Variants in FER observed in about 807,000 individuals in gnomAD.
FER encodes tyrosine-protein kinase Fer.
In FER, 63 loss-of-function variants were observed where a neutral mutation model predicts 111.0. That is an observed-to-expected ratio of 0.57 (90% CI 0.46 to 0.70). FER has a LOEUF of 0.70. FER is among the 30% of genes least tolerant of loss of function. The probability of loss-of-function intolerance (pLI) is 0.00; values close to 1 mark genes in which losing one functional copy is unlikely to be tolerated. For synonymous variants in FER, 327 were observed against 313.9 expected (o/e 1.04, Z -0.44); for missense variants, 914 against 954.0 (o/e 0.96, Z 0.55).
chr5:109,076,562 C>T (rs1352254271), intron 16 of FER, among the ~76,000 whole-genome samples: 1 of 152,036 alleles, frequency 6.6e-6, no homozygotes, highest in Non-Finnish European at 1.5e-5. Flanking sequence ...CTCAGCCTCT[C>T]AAGTAGTTGT....
chr5:108,975,151 A>C (rs546263251), intron 13 of FER, among the ~76,000 whole-genome samples: 8 of 152,292 alleles, frequency 5.3e-5, no homozygotes, highest in African/African-American at 1.9e-4. Flanking sequence ...CTAACACAGG[A>C]ACAGAAAACC....
chr5:109,051,872 C>G, intron 16 of FER: 1 of 1,560,040 alleles, frequency 6.4e-7, no homozygotes, highest in Non-Finnish European at 8.8e-7. Flanking sequence ...AGGAAGCAGT[C>G]CACCTGATGT....
chr5:109,068,003 A>G (rs1348668826), intron 16 of FER, among the ~76,000 whole-genome samples: 4 of 152,318 alleles, frequency 2.6e-5, no homozygotes, highest in South Asian at 4.1e-4. Flanking sequence ...TTTACTCTTT[A>G]TGAATAAGAA....
intron 13 of FER, among the ~76,000 whole-genome samples, chr5:108,990,648 G>C (rs79191986): frequency 0.011 from 1,602 of 151,702 alleles, 24 homozygotes; most frequent in African/African-American, 0.037. Context: ...CTATATTTGG[G>C]AGTTGAAAGA....
intron 3 of FER, among the ~76,000 whole-genome samples, chr5:108,828,023 C>A (rs1759654573): frequency 6.6e-6 from 1 of 151,756 alleles, no homozygotes; most frequent in Non-Finnish European, 1.5e-5. Context: ...CAAAGCTTTT[C>A]AAATTTTTGA....
chr5:108,937,256 G>C (rs1191634458), intron 10 of FER, among the ~76,000 whole-genome samples: 2 of 151,866 alleles, frequency 1.3e-5, no homozygotes, highest in Non-Finnish European at 2.9e-5. Flanking sequence ...TGGGCCTCTA[G>C]ATATCTGGCT....
intron 10 of FER, among the ~76,000 whole-genome samples, chr5:108,910,420 A>G (rs1034588752): frequency 4.6e-5 from 7 of 152,160 alleles, no homozygotes; most frequent in Non-Finnish European, 8.8e-5. Flanking sequence ...TCTTGACCAC[A>G]CTTAGCATAA....
intron 12 of FER, among the ~76,000 whole-genome samples, chr5:108,957,030 A>T (rs1013626861): frequency 1.3e-5 from 2 of 151,652 alleles, no homozygotes; most frequent in Non-Finnish European, 3.0e-5. Flanking sequence ...AATATTAAAT[A>T]GTTGATCAAT....
chr5:108,804,216 A>G (rs1756965382), intron 3 of FER, among the ~76,000 whole-genome samples: 1 of 152,164 alleles, frequency 6.6e-6, no homozygotes, highest in Non-Finnish European at 1.5e-5. Context: ...GTCGTTTATC[A>G]GTTTCAGGAG....
chr5:108,931,962 T>TTGTGTG (rs571366890), intron 10 of FER, among the ~76,000 whole-genome samples: 4 of 150,696 alleles, frequency 2.7e-5, no homozygotes, highest in East Asian at 1.9e-4. Flanking sequence ...ATCTTAAATT[T>TTGTGTG]TGTGTGTGTG....
intron 17 of FER, among the ~76,000 whole-genome samples, chr5:109,169,551 T>C (rs1305491293): frequency 6.6e-6 from 1 of 152,164 alleles, no homozygotes; most frequent in Non-Finnish European, 1.5e-5. Flanking sequence ...TAAAAGAATG[T>C]AAATGGGAGG....
intron 5 of FER, among the ~76,000 whole-genome samples, chr5:108,864,876 T>G (rs529879235): frequency 1.4e-3 from 218 of 152,152 alleles, no homozygotes; most frequent in African/African-American, 5.1e-3. Flanking sequence ...TTAAAGTAGT[T>G]TTTTCCAATT....
intron 10 of FER, among the ~76,000 whole-genome samples, chr5:108,943,837 C>T (rs1756603817): frequency 6.6e-6 from 1 of 151,838 alleles, no homozygotes; most frequent in Admixed American, 6.6e-5. Context: ...GGGCTCAAGC[C>T]ATCCTCTCAC....
chr5:108,797,636 G>T (rs1273258766), intron 2 of FER, among the ~76,000 whole-genome samples: 2 of 152,218 alleles, frequency 1.3e-5, no homozygotes, highest in African/African-American at 4.8e-5. Context: ...GATGATTCGA[G>T]ACTGTGTTTT....
At chr5:108,951,063 C>CT (rs1757670137) in intron 11 of FER, among the ~76,000 whole-genome samples, 2 of 151,824 alleles carry the variant, frequency 1.3e-5, no homozygotes, top group African/African-American at 2.4e-5. Flanking sequence ...GAGGTCAGGA[C>CT]TTTGAGACCA....
chr5:109,172,583 A>G (rs1267666481), intron 17 of FER, among the ~76,000 whole-genome samples: 1 of 151,386 alleles, frequency 6.6e-6, no homozygotes, highest in Non-Finnish European at 1.5e-5. Context: ...ATGTATACAT[A>G]TGTAACTAAC....
chr5:108,817,026 C>G (rs1758346204), intron 3 of FER, among the ~76,000 whole-genome samples: 1 of 142,776 alleles, frequency 7.0e-6, no homozygotes. Context: ...ATCACTTTAG[C>G]CCAGGAGGCA....
intron 13 of FER, among the ~76,000 whole-genome samples, chr5:108,967,654 G>A (rs1015207609): frequency 6.6e-6 from 1 of 151,168 alleles, no homozygotes; most frequent in African/African-American, 2.4e-5. Context: ...CAGCTACCTA[G>A]GAGGCTAAGG....
intron 16 of FER, among the ~76,000 whole-genome samples, chr5:109,091,923 A>G (rs1047934298): frequency 2.0e-5 from 3 of 152,136 alleles, no homozygotes; most frequent in African/African-American, 4.8e-5. Flanking sequence ...AAGAAATACT[A>G]TTATGATGTA....
Sources: gnomAD v4.1 joint callset for allele counts (sites outside exome capture counted in the v4.1 genomes callset) on GRCh38, gnomAD v4.1.1 for gene constraint, MANE v1.5 for transcripts, NCBI Gene and HGNC (gene_info 2026-07-23, HGNC 2026-07-21) for gene names.